The following NFATC3 variants were observed in gnomAD, a reference collection of about 807,000 sequenced individuals.
The protein encoded by NFATC3 is nuclear factor of activated T-cells, cytoplasmic 3.
NFATC3 carries 46 observed loss-of-function variants against 98.6 expected under a neutral mutation model. The observed-to-expected ratio is 0.47, with a 90% CI of 0.37 to 0.60. The LOEUF (loss-of-function observed/expected upper bound fraction) is 0.60, where lower values mean the gene tolerates loss of function less well. NFATC3 is among the 20% of genes least tolerant of loss of function. NFATC3 has a pLI of 0.00. For synonymous variants in NFATC3, 512 were observed against 472.2 expected, an observed-to-expected ratio of 1.08 and a Z score of -1.09; for missense variants, 1,256 against 1,295.5, an observed-to-expected ratio of 0.97 and a Z score of 0.47.
chr16:68,226,257 G>A, intron 9 of NFATC3, 93 bp from the exon 10 acceptor site: 1 of 1,425,690 alleles, frequency 7.0e-7, no homozygotes, highest in Non-Finnish European at 9.3e-7. Context: ...AAAGCCATGG[G>A]AAGGGAAATG....
At chr16:68,221,242 G>A (rs571158705) in intron 9 of NFATC3, 58 of 1,614,068 alleles carry the variant, frequency 3.6e-5, no homozygotes, top group Admixed American at 5.0e-5. Context: ...TGAGACCTAC[G>A]TTTTGGCCAG....
chr16:68,122,300 A>T lies in NFATC3; in HGVS notation c.417A>T (p.Glu139Asp). The T allele has an allele frequency of 6.2e-7, 1 of 1,614,176 alleles. No individual in the cohort carries two copies. The highest frequency in any genetic ancestry group is 8.5e-7 in the Non-Finnish European group (1 of 1,180,040). ...TACAGATAAATGACCCAGAACGGGA[A>T]TTTTTGGAAAGGCCTTCTAGAGATC... is the stretch of plus-strand genomic sequence containing the variant. ...DDLQINDPER[E>D]FLERPSRDHL... The change falls in exon 2 of 10, where the codon GAA becomes GAT. Residue 139 changes from glutamate (E) to aspartate (D), a missense_variant. Physicochemically the swap from Glu to Asp is conservative, Grantham distance 45. Coordinates refer to ENST00000346183, the MANE Select transcript of NFATC3 (RefSeq NM_173165.3).
At chr16:68,167,618 G>C (rs2039255777) in intron 5 of NFATC3, among the ~76,000 whole-genome samples, 1 of 151,876 alleles carries the variant, frequency 6.6e-6, no homozygotes, top group Non-Finnish European at 1.5e-5. Flanking sequence ...ACTAATACTT[G>C]ATCTTTAGGA....
intron 1 of NFATC3, among the ~76,000 whole-genome samples, chr16:68,118,878 G>C (rs1052843350): frequency 1.3e-5 from 2 of 152,066 alleles, no homozygotes; most frequent in East Asian, 3.9e-4. Flanking sequence ...TATTGTTGTT[G>C]TTGTTTTTTG....
chr16:68,137,121 G>A (rs948328019), intron 3 of NFATC3, among the ~76,000 whole-genome samples: 4 of 151,720 alleles, frequency 2.6e-5, no homozygotes, highest in Non-Finnish European at 5.9e-5. Flanking sequence ...TAACTTTTTC[G>A]CTTTATAAGT....
chr16:68,150,412 T>TA (rs60606928), intron 3 of NFATC3, among the ~76,000 whole-genome samples: 1,224 of 80,908 alleles, frequency 0.015, 11 homozygotes, highest in African/African-American at 0.03. Flanking sequence ...CTTCTATATC[T>TA]AAAAAAAAAA....
intron 5 of NFATC3, among the ~76,000 whole-genome samples, chr16:68,169,601 G>A (rs2039365276): frequency 6.6e-6 from 1 of 151,976 alleles, no homozygotes; most frequent in South Asian, 2.1e-4. Context: ...TTGAGTGTTT[G>A]AGATGAAGTT....
chr16:68,194,670 T>G (rs1007879404), intron 9 of NFATC3, among the ~76,000 whole-genome samples: 2 of 152,220 alleles, frequency 1.3e-5, no homozygotes, highest in Admixed American at 1.3e-4. Context: ...ATTGAGACTT[T>G]AAGAGCACTT....
chr16:68,094,675 C>T (rs1258729792), intron 1 of NFATC3, among the ~76,000 whole-genome samples: 1 of 152,198 alleles, frequency 6.6e-6, no homozygotes, highest in Non-Finnish European at 1.5e-5. Flanking sequence ...TTTTGTCATA[C>T]ATGTTACCTA....
intron 9 of NFATC3, among the ~76,000 whole-genome samples, chr16:68,202,539 CG>C (rs908655890): frequency 1.3e-5 from 2 of 152,130 alleles, no homozygotes; most frequent in African/African-American, 4.8e-5. Context: ...AGGCAAGGCG[CG>C]GTGGCTGACG....
chr16:68,181,439 G>A (rs1384208957), intron 6 of NFATC3, 36 bp from the exon 7 acceptor site: 1 of 1,503,914 alleles, frequency 6.6e-7, no homozygotes, highest in Non-Finnish European at 9.2e-7. Flanking sequence ...TTTCTGATAT[G>A]AATTGCTTTT....
chr16:68,099,448 T>A (rs902521444), intron 1 of NFATC3, among the ~76,000 whole-genome samples: 42 of 148,618 alleles, frequency 2.8e-4, no homozygotes, highest in Non-Finnish European at 4.2e-4. Flanking sequence ...AAAAAAAAAA[T>A]ATATTAGCCG....
chr16:68,093,557 A>G (rs1226511068), intron 1 of NFATC3, among the ~76,000 whole-genome samples: 1 of 152,288 alleles, frequency 6.6e-6, no homozygotes. Flanking sequence ...CTTTTTGCGC[A>G]ACCTATAATT....
In NFATC3 at chr16:68,168,471, TTTATTATTA is replaced by T. The variant is rs141377197; in HGVS notation, c.1774+1477_1774+1485del. On this transcript the variant is annotated intron_variant, in intron 5 of 9. Coordinates refer to ENST00000346183, the MANE Select transcript of NFATC3 (RefSeq NM_173165.3). ...AGCCACTGCACCCAGCTTGTATTCTTTTATTATTATTATTATTATTATTATTATTTTTTA... is the reference window on the plus strand; with the variant it reads ...AGCCACTGCACCCAGCTTGTATTCTTTTATTATTATTATTATTATTTTTTA... Among the ~76,000 whole-genome samples, 55 of 148,024 alleles carry T rather than the reference TTTATTATTA, an allele frequency of 3.7e-4. 1 individual carries two copies. In the South Asian group the frequency reaches 9.2e-3, roughly 25 times the overall value.
In NFATC3 at chr16:68,207,052, T is replaced by A. The variant is rs574854423; in HGVS notation, c.3106+15277T>A. Among the ~76,000 whole-genome samples, 14 of 149,958 alleles carry A rather than the reference T, an allele frequency of 9.3e-5. No individual in the cohort carries two copies. The South Asian group carries it at 3.0e-3, about 32-fold the overall frequency. ...TGGACAGGGCTCGGTGGCTCACGCC[T>A]GTAATCCCAGCACCTGGGAGGCTGA... On this transcript the variant is annotated intron_variant, in intron 9 of 9. Transcript: ENST00000346183.
chr16:68,181,337 A>G (rs1019595456), intron 6 of NFATC3, 138 bp from the exon 7 acceptor site: 2 of 650,890 alleles, frequency 3.1e-6, no homozygotes, highest in Admixed American at 2.9e-5. Flanking sequence ...ACATATTTAT[A>G]TTTTATTTTC....
At chr16:68,177,204 C>T (rs543147893) in intron 6 of NFATC3, among the ~76,000 whole-genome samples, 31 of 151,948 alleles carry the variant, frequency 2.0e-4, no homozygotes, top group Non-Finnish European at 3.4e-4. Context: ...CCTGCCTCCA[C>T]GCCTGGCTAA....
chr16:68,106,223 C>T (rs947462290), intron 1 of NFATC3, among the ~76,000 whole-genome samples: 1 of 152,002 alleles, frequency 6.6e-6, no homozygotes, highest in African/African-American at 2.4e-5. Flanking sequence ...TTTGCAAACA[C>T]CAGTTGTAAT....
chr16:68,183,493 C>G, intron 8 of NFATC3, 127 bp downstream of exon 8: 2 of 965,512 alleles, frequency 2.1e-6, no homozygotes, highest in Non-Finnish European at 3.0e-6. Flanking sequence ...CAACAGATGC[C>G]CACTCTAAAG....
Sources: allele counts gnomAD v4.1 joint callset (sites outside exome capture counted in the v4.1 genomes callset), GRCh38; gene constraint gnomAD v4.1.1; transcripts MANE v1.5; gene names NCBI Gene and HGNC (gene_info 2026-07-23, HGNC 2026-07-21).